AGO3: variants seen among roughly 807,000 people sequenced by gnomAD.
The protein encoded by AGO3 is argonaute RISC catalytic component 3.
In AGO3, 16 loss-of-function variants were observed where a neutral mutation model predicts 105.5. That is an observed-to-expected ratio of 0.15 (90% confidence interval 0.10 to 0.23). AGO3 has a LOEUF of 0.23. AGO3 is among the 10% of genes least tolerant of loss of function. AGO3 has a pLI of 1.00. For synonymous variants in AGO3, 340 were observed against 367.3 expected, an observed-to-expected ratio of 0.93 and a Z score of 0.85; for missense variants, 534 against 1,088.0, an observed-to-expected ratio of 0.49 and a Z score of 7.16.
intron 5 of AGO3, among the ~76,000 whole-genome samples, chr1:35,986,503 A>T (rs1647185543): frequency 6.6e-6 from 1 of 152,136 alleles, no homozygotes; most frequent in South Asian, 2.1e-4. Context: ...AGCCTGGTCC[A>T]CATGGTAAAA....
At position 36,061,361 on chromosome 1, in the gene AGO3, T is replaced by C. The variant is rs765586563; in HGVS notation, c.*5616T>C. ...GTATAATGGTCAAGGCTTGTGCTAA[T>C]ATTACCTACTACTCATTGAAATTTA... is the stretch of plus-strand genomic sequence containing the variant. On this transcript the variant is annotated 3_prime_UTR_variant, in exon 19 of 19. Coordinates refer to ENST00000373191, the MANE Select transcript of AGO3 (RefSeq NM_024852.4). 6 of 152,230 alleles carry C rather than the reference T, an allele frequency of 3.9e-5. No individual in the cohort carries two copies. The highest frequency in any genetic ancestry group is 2.0e-4 in the Admixed American group (3 of 15,278). The allele number at this position is 152,230 out of a possible 1,614,324, so 9.4% of individuals were successfully genotyped here. A position where few individuals can be genotyped will look rare whatever the true frequency, so the allele number is the denominator to read the frequency against.
At chr1:35,931,523 G>T in intron 1 of AGO3, 78 bp downstream of exon 1, 1 of 1,302,722 alleles carries the variant, frequency 7.7e-7, no homozygotes, top group African/African-American at 1.5e-5. Context: ...CTCCCGCCCG[G>T]CCCAGGTGCG....
chr1:35,938,349 G>A (rs184245893), intron 1 of AGO3, among the ~76,000 whole-genome samples: 225 of 152,140 alleles, frequency 1.5e-3, no homozygotes, highest in Middle Eastern at 0.01. Context: ...AAAAACAAAC[G>A]ATATAAGAAT....
intron 5 of AGO3, among the ~76,000 whole-genome samples, chr1:35,976,550 C>T (rs986272262): frequency 1.3e-5 from 2 of 152,028 alleles, no homozygotes; most frequent in Admixed American, 1.3e-4. Context: ...TAATGTGCGT[C>T]CTTTTTCTTT....
intron 5 of AGO3, among the ~76,000 whole-genome samples, chr1:35,998,430 CAG>C (rs1345650308): frequency 6.6e-6 from 1 of 152,130 alleles, no homozygotes; most frequent in Non-Finnish European, 1.5e-5. Flanking sequence ...TCCACTATAA[CAG>C]AAGTGCTGGG....
chr1:35,957,835 G>A (rs150581768), intron 2 of AGO3, among the ~76,000 whole-genome samples: 2 of 152,328 alleles, frequency 1.3e-5, no homozygotes, highest in Non-Finnish European at 2.9e-5. Flanking sequence ...GGAGGCCAAG[G>A]CAGGAGGAGT....
Position 36,055,045 on chromosome 1 carries a change from G to C in AGO3, c.2374G>C (p.Val792Leu). ...AACTTACCAGCTCTGCCACACTTAC[G>C]TACGCTGTACACGATCTGTTTCTAT... The part of the protein sequence containing the change: ...LLTYQLCHTY[V>L]RCTRSVSIPA... The change falls in exon 18 of 19, where the codon GTA becomes CTA. Residue 792 changes from valine (V) to leucine (L), a missense_variant. Val to Leu is a conservative substitution (Grantham distance 32). Coordinates refer to ENST00000373191, the MANE Select transcript of AGO3 (RefSeq NM_024852.4). This position sits in a 1 kb window ranked among gnomAD's most constrained non-coding sequence, Gnocchi z 4.4. 6.2e-7 allele frequency: 1 copy of C among 1,614,094 alleles called. No homozygotes were observed.
At chr1:36,032,080 A>G (rs1053129436) in intron 12 of AGO3, among the ~76,000 whole-genome samples, 2 of 152,286 alleles carry the variant, frequency 1.3e-5, no homozygotes, top group South Asian at 2.1e-4. Flanking sequence ...AATAAGTGTC[A>G]TTGCTGCATC....
chr1:35,965,792 C>G (rs1646762247), intron 2 of AGO3, among the ~76,000 whole-genome samples: 1 of 150,494 alleles, frequency 6.6e-6, no homozygotes, highest in African/African-American at 2.4e-5. Flanking sequence ...TTCTTGCCCC[C>G]ACTTAACTGA....
intron 5 of AGO3, among the ~76,000 whole-genome samples, chr1:35,988,143 A>G (rs1425356821): frequency 6.6e-6 from 1 of 152,150 alleles, no homozygotes; most frequent in African/African-American, 2.4e-5. Flanking sequence ...AAGTTGGTTT[A>G]TTTTCTCCCC....
At chr1:36,050,678 G>A (rs931667029) in intron 17 of AGO3, among the ~76,000 whole-genome samples, 2 of 150,778 alleles carry the variant, frequency 1.3e-5, no homozygotes, top group African/African-American at 4.9e-5. Flanking sequence ...TATAATCCCA[G>A]CTACTCAAGA....
chr1:35,966,146 T>C (rs1229363965), intron 2 of AGO3, among the ~76,000 whole-genome samples: 1 of 152,182 alleles, frequency 6.6e-6, no homozygotes, highest in African/African-American at 2.4e-5. Flanking sequence ...AAATTAGTTT[T>C]AGATTATATC....
chr1:36,053,376 G>A (rs1642795982), intron 17 of AGO3, among the ~76,000 whole-genome samples: 1 of 151,796 alleles, frequency 6.6e-6, no homozygotes, highest in Non-Finnish European at 1.5e-5. Flanking sequence ...CACCTCCCAG[G>A]TTAAAGAGAT....
chr1:36,004,811 A>G (rs1640264244), intron 6 of AGO3, among the ~76,000 whole-genome samples: 1 of 152,172 alleles, frequency 6.6e-6, no homozygotes, highest in African/African-American at 2.4e-5. Context: ...GTTATATTTT[A>G]TAACTAGAAT....
At chr1:35,932,379 A>T (rs1646067601) in intron 1 of AGO3, among the ~76,000 whole-genome samples, 1 of 152,172 alleles carries the variant, frequency 6.6e-6, no homozygotes, top group Admixed American at 6.5e-5. Flanking sequence ...CTTGTTACTA[A>T]TGGTGTTACA....
intron 17 of AGO3, among the ~76,000 whole-genome samples, chr1:36,046,420 G>A (rs1478515626): frequency 2.6e-5 from 4 of 151,872 alleles, no homozygotes; most frequent in East Asian, 1.9e-4. Flanking sequence ...GGCCAGGTGC[G>A]GTGGCTCACA....
At position 36,065,172 on chromosome 1, in the gene AGO3, A is replaced by C. The variant is rs549806881; in HGVS notation, c.*9427A>C. On this transcript the variant is annotated 3_prime_UTR_variant, in exon 19 of 19. Coordinates refer to ENST00000373191, the MANE Select transcript of AGO3 (RefSeq NM_024852.4). ...ACAGAGCAAGACTCCGTCTCAAAAA[A>C]AAAAAAAGCAAAATATTTTTGCTGT... The C allele has an allele frequency of 6.6e-6, 1 of 152,170 alleles. No homozygotes were observed. The highest frequency in any genetic ancestry group is 2.4e-5 in the African/African-American group (1 of 41,476). The allele number at this position is 152,170 out of a possible 1,614,324, so 9.4% of individuals were successfully genotyped here.
chr1:35,963,830 G>A (rs1646722432), intron 2 of AGO3, among the ~76,000 whole-genome samples: 1 of 152,166 alleles, frequency 6.6e-6, no homozygotes, highest in Non-Finnish European at 1.5e-5. Flanking sequence ...GTTGGGTGAA[G>A]AGATGAGCCA....
rs945635220 is a variant in AGO3, at chr1:35,957,757, T to C, written c.192-9198T>C. ...ACAAAAATGCTCAGTATCGATTTTA[T>C]ATTACAAATTATTAAAATTTTGGCC... is the stretch of plus-strand genomic sequence containing the variant. On this transcript the variant is annotated intron_variant, in intron 2 of 18. Coordinates refer to ENST00000373191, the MANE Select transcript of AGO3 (RefSeq NM_024852.4). Among the ~76,000 whole-genome samples, 7 of 152,068 alleles carry C rather than the reference T, an allele frequency of 4.6e-5. No homozygotes were observed. In the South Asian group the frequency reaches 6.2e-4, roughly 14 times the overall value.
Sources: allele counts gnomAD v4.1 joint callset (sites outside exome capture counted in the v4.1 genomes callset), GRCh38; gene constraint gnomAD v4.1.1; non-coding constraint Gnocchi (gnomAD v3.1); transcripts MANE v1.5; gene names NCBI Gene and HGNC (gene_info 2026-07-23, HGNC 2026-07-21).